Variants in THEMIS observed in about 807,000 individuals in gnomAD.
THEMIS encodes the protein protein THEMIS.
In THEMIS, 37 loss-of-function variants were observed where a neutral mutation model predicts 52.6. That is an observed-to-expected ratio of 0.70 (90% confidence interval 0.54 to 0.93). The LOEUF is 0.93. THEMIS is among the 40% of genes least tolerant of loss of function. The pLI, the probability that THEMIS is intolerant of heterozygous loss-of-function variation, is 0.00. For synonymous variants in THEMIS, 292 were observed against 272.7 expected (o/e 1.07, Z -0.70); for missense variants, 808 against 763.1 (o/e 1.06, Z -0.69).
intron 3 of THEMIS, among the ~76,000 whole-genome samples, chr6:127,824,131 C>A (rs1281568114): frequency 6.6e-6 from 1 of 152,124 alleles, no homozygotes; most frequent in Non-Finnish European, 1.5e-5. Flanking sequence ...CAGGTCTCCA[C>A]TCTAATCTAG....
chr6:127,918,129 T>C (rs1418227100), intron 1 of THEMIS, among the ~76,000 whole-genome samples: 2 of 152,088 alleles, frequency 1.3e-5, no homozygotes, highest in African/African-American at 4.8e-5. Context: ...GCATAGAGAG[T>C]GGCCCATTAA....
At chr6:127,886,184 C>G (rs1440753736) in intron 1 of THEMIS, among the ~76,000 whole-genome samples, 1 of 152,142 alleles carries the variant, frequency 6.6e-6, no homozygotes, top group Non-Finnish European at 1.5e-5. Context: ...AACTCCCTCA[C>G]TTCTCCCAAG....
upstream of THEMIS, chr6:127,901,070 G>C: frequency 4.2e-6 from 3 of 708,024 alleles, no homozygotes; most frequent in Non-Finnish European, 5.0e-6. Flanking sequence ...GCCAGAGTGG[G>C]GTGGAGTAGC....
downstream of THEMIS, among the ~76,000 whole-genome samples, chr6:127,706,647 T>TA (rs1773803902): frequency 6.6e-6 from 1 of 152,084 alleles, no homozygotes; most frequent in Non-Finnish European, 1.5e-5. Flanking sequence ...GCTTGTTAGA[T>TA]AGAATAAACT....
intron 1 of THEMIS, among the ~76,000 whole-genome samples, chr6:127,870,506 T>A (rs1490789563): frequency 6.6e-6 from 1 of 152,156 alleles, no homozygotes; most frequent in Non-Finnish European, 1.5e-5. Flanking sequence ...ATATCAATAG[T>A]TACATTAAAC....
In THEMIS at chr6:127,813,048, C is replaced by A; in HGVS notation, c.1593G>T (p.Leu531=). The A allele has an allele frequency of 1.9e-6, 3 of 1,614,012 alleles. No individual in the cohort carries two copies. Among genetic ancestry groups the A allele is most frequent in the Non-Finnish European group, 2.5e-6 (3 of 1,179,986 alleles). ...ATTGCTCTTCAGTGATCTCTTCTAC[C>A]AGAGTCCTGACTAGAAATGGTTCTG... ...RDAEPFLVRT[L]VEEITEEQYY... Residue 531 remains leucine, a synonymous_variant, in exon 4 of 6, where the codon CTG becomes CTT. Coordinates refer to ENST00000368248, the MANE Select transcript of THEMIS (RefSeq NM_001010923.3).
intron 4 of THEMIS, among the ~76,000 whole-genome samples, chr6:127,757,627 C>T (rs1032072801): frequency 2.6e-5 from 4 of 152,076 alleles, no homozygotes; most frequent in Admixed American, 6.5e-5. Context: ...GGACTACAGG[C>T]GCCCGCCACC....
At chr6:127,708,019 G>GT (rs1773846017), downstream of THEMIS, 1 of 152,080 alleles carries the variant, frequency 6.6e-6, no homozygotes, top group South Asian at 2.1e-4. Flanking sequence ...GCTCAGCACT[G>GT]TAAGTCCATA....
chr6:127,802,642 GT>G (rs1777574305), intron 4 of THEMIS, among the ~76,000 whole-genome samples: 1 of 152,182 alleles, frequency 6.6e-6, no homozygotes, highest in Non-Finnish European at 1.5e-5. Context: ...ACTAATTTGA[GT>G]TATAAAAAAT....
intron 1 of THEMIS, among the ~76,000 whole-genome samples, chr6:127,913,340 T>TA (rs1224847460): frequency 6.6e-5 from 10 of 152,360 alleles, no homozygotes; most frequent in South Asian, 6.2e-4. Context: ...GAATATTTTT[T>TA]ATGTGTCCAT....
At chr6:127,890,029 T>C (rs1010402489) in intron 1 of THEMIS, among the ~76,000 whole-genome samples, 2 of 152,120 alleles carry the variant, frequency 1.3e-5, no homozygotes, top group Non-Finnish European at 2.9e-5. Flanking sequence ...CTAATGAAAC[T>C]GCCAAAATCA....
intron 5 of THEMIS, among the ~76,000 whole-genome samples, chr6:127,716,087 C>T (rs772196113): frequency 5.9e-5 from 9 of 151,524 alleles, no homozygotes; most frequent in East Asian, 2.0e-4. Context: ...AGGGAAAATT[C>T]GAAGAACATA....
At chr6:127,699,892 G>C in the THEMIS span, among the ~76,000 whole-genome samples, 1 of 151,766 alleles carries the variant, frequency 6.6e-6, no homozygotes, top group African/African-American at 2.4e-5. Context: ...TTCATGACTT[G>C]TGTTGGGCAA....
intron 4 of THEMIS, among the ~76,000 whole-genome samples, chr6:127,800,307 G>GA (rs1263168497): frequency 6.0e-5 from 9 of 150,902 alleles, no homozygotes; most frequent in African/African-American, 1.5e-4. Flanking sequence ...GACTTCCTCA[G>GA]AAAAAAAATT....
At chr6:127,854,946 T>A (rs981846946) in intron 2 of THEMIS, 84 bp downstream of exon 2, 1 of 1,228,118 alleles carries the variant, frequency 8.1e-7, no homozygotes, top group Non-Finnish European at 1.1e-6. Flanking sequence ...AACAGACCAT[T>A]TTTTTCTTGT....
At chr6:127,785,711 C>G (rs188867031) in intron 4 of THEMIS, among the ~76,000 whole-genome samples, 1 of 151,936 alleles carries the variant, frequency 6.6e-6, no homozygotes, top group African/African-American at 2.4e-5. Flanking sequence ...AAGAATACTA[C>G]AAATATAGAC....
intron 4 of THEMIS, among the ~76,000 whole-genome samples, chr6:127,761,274 G>A (rs768340342): frequency 4.6e-5 from 7 of 152,140 alleles, no homozygotes; most frequent in Non-Finnish European, 7.4e-5. Context: ...AGGTACAGCT[G>A]AGACAGGCAA....
chr6:127,783,208 C>T (rs1044925924), intron 4 of THEMIS, among the ~76,000 whole-genome samples: 1 of 152,106 alleles, frequency 6.6e-6, no homozygotes, highest in South Asian at 2.1e-4. Flanking sequence ...GAAACTGGAC[C>T]CATTCCTTAC....
At chr6:127,771,546 A>T (rs1033595604) in intron 4 of THEMIS, among the ~76,000 whole-genome samples, 1 of 152,068 alleles carries the variant, frequency 6.6e-6, no homozygotes, top group Non-Finnish European at 1.5e-5. Context: ...AAACAGCATG[A>T]TACTGGTACC....
Sources: allele counts gnomAD v4.1 joint callset (sites outside exome capture counted in the v4.1 genomes callset), GRCh38; gene constraint gnomAD v4.1.1; transcripts MANE v1.5; gene names NCBI Gene and HGNC (gene_info 2026-07-23, HGNC 2026-07-21).